Variants in ZNF536 observed in about 807,000 individuals in gnomAD.
ZNF536 encodes zinc finger protein 536.
Under a neutral mutation model 84.5 loss-of-function variants are expected in ZNF536, and 13 were observed. That is an observed-to-expected ratio of 0.15 (90% CI 0.10 to 0.24). The LOEUF (loss-of-function observed/expected upper bound fraction) is 0.24, where lower values mean the gene tolerates loss of function less well. Among genes scored for constraint, ZNF536 ranks in the 10% least tolerant of loss-of-function variants. The pLI is 1.00. For missense variants in ZNF536, 1,536 were observed against 1,747.5 expected (o/e 0.88, Z 2.16); for synonymous variants, 811 against 742.5 (o/e 1.09, Z -1.50).
intron 2 of ZNF536, among the ~76,000 whole-genome samples, chr19:30,483,985 TC>T (rs748594326): frequency 1.1e-4 from 17 of 152,092 alleles, no homozygotes; most frequent in Non-Finnish European, 2.1e-4. Flanking sequence ...TACCTCACCA[TC>T]CCAATTCTTT....
At chr19:30,692,220 G>A (rs2051441785) in intron 1 of ZNF536, among the ~76,000 whole-genome samples, 1 of 152,214 alleles carries the variant, frequency 6.6e-6, no homozygotes. Context: ...GCAAGAAACT[G>A]CTGAAACCAA....
At chr19:30,607,710 CAA>C (rs11424933) in intron 1 of ZNF536, among the ~76,000 whole-genome samples, 44 of 131,524 alleles carry the variant, frequency 3.3e-4, no homozygotes, top group Middle Eastern at 4.2e-3. Flanking sequence ...TGACATGTCT[CAA>C]AAAAAAAAAA....
intron 1 of ZNF536, among the ~76,000 whole-genome samples, chr19:30,629,114 G>A (rs556476116): frequency 2.6e-5 from 4 of 152,302 alleles, no homozygotes; most frequent in East Asian, 1.9e-4. Flanking sequence ...GGCACAGCAG[G>A]GTACCAGGTA....
chr19:30,644,608 C>T (rs948591675), intron 1 of ZNF536, among the ~76,000 whole-genome samples: 1 of 152,112 alleles, frequency 6.6e-6, no homozygotes, highest in Admixed American at 6.5e-5. Flanking sequence ...TGAGTGAGAA[C>T]ATGCGGTGTT....
intron 1 of ZNF536, among the ~76,000 whole-genome samples, chr19:30,661,552 C>T (rs2050123739): frequency 6.6e-6 from 1 of 152,208 alleles, no homozygotes; most frequent in Non-Finnish European, 1.5e-5. Flanking sequence ...TGTGTTCCCT[C>T]TCACCCAGCA....
At chr19:30,703,675 C>T (rs4805600) in intron 1 of ZNF536, among the ~76,000 whole-genome samples, 15,620 of 152,120 alleles carry the variant, frequency 0.1, 1,112 homozygotes, top group East Asian at 0.33. Context: ...TCAGTACTTT[C>T]GATGAAGAAC....
chr19:30,448,750 A>T (rs2052467026), intron 2 of ZNF536, among the ~76,000 whole-genome samples: 1 of 152,238 alleles, frequency 6.6e-6, no homozygotes, highest in East Asian at 1.9e-4. Context: ...AGATCTCTAG[A>T]AGAAGGCTTA....
intron 1 of ZNF536, among the ~76,000 whole-genome samples, chr19:30,705,194 C>T (rs749047547): frequency 4.6e-5 from 7 of 152,054 alleles, no homozygotes; most frequent in South Asian, 2.1e-4. Flanking sequence ...TGGCTTATTC[C>T]GGGCCTATCA....
At chr19:30,465,450 C>A (rs891183751) in intron 2 of ZNF536, among the ~76,000 whole-genome samples, 1 of 152,214 alleles carries the variant, frequency 6.6e-6, no homozygotes, top group African/African-American at 2.4e-5. Context: ...CTCATTCATT[C>A]ATTTTCTTTC....
chr19:30,549,034 G>A lies in ZNF536; in HGVS notation c.3415G>A (p.Ala1139Thr), dbSNP rs760089241. ...CCCCAACAAGGAGCCTGATGGAAAG[G>A]CCCACTCTGAAGAGGATGTCCCCAT... ...SCPNKEPDGK[A>T]HSEEDVPILI... The change falls in exon 4 of 5, where the codon GCC becomes ACC. Residue 1139 changes from alanine (A) to threonine (T), a missense_variant. Ala to Thr is a moderately conservative substitution (Grantham distance 58, BLOSUM62 0). This residue lies in a region of ZNF536 where 624 missense variants were observed against 603.1 expected (regional missense o/e 1.03). Coordinates refer to ENST00000355537, the MANE Select transcript of ZNF536 (RefSeq NM_014717.3). The A allele has an allele frequency of 6.2e-7, 1 of 1,614,144 alleles. No individual in the cohort carries two copies.
intron 2 of ZNF536, among the ~76,000 whole-genome samples, chr19:30,308,924 A>G (rs1368731471): frequency 5.3e-5 from 8 of 152,192 alleles, no homozygotes. Context: ...ATGCTATTCA[A>G]TGACAGTGTG....
intron 1 of ZNF536, among the ~76,000 whole-genome samples, chr19:30,438,456 G>A (rs1017145425): frequency 2.6e-5 from 4 of 152,194 alleles, no homozygotes; most frequent in Non-Finnish European, 5.9e-5. Context: ...GGGTCACGCA[G>A]TGCTGAGTGA....
chr19:30,391,385 T>C (rs2049582373), intron 1 of ZNF536, among the ~76,000 whole-genome samples: 2 of 152,322 alleles, frequency 1.3e-5, no homozygotes, highest in Non-Finnish European at 1.5e-5. Context: ...GAGACTGGTC[T>C]GACCAACATC....
At chr19:30,603,857 A>AGG (rs368331101) in intron 1 of ZNF536, among the ~76,000 whole-genome samples, 224 of 152,276 alleles carry the variant, frequency 1.5e-3, no homozygotes, top group African/African-American at 5.1e-3. Context: ...TGGGAGGCCT[A>AGG]GGGGGGTGGA....
intron 1 of ZNF536, among the ~76,000 whole-genome samples, chr19:30,607,962 C>T (rs921663696): frequency 1.2e-4 from 19 of 152,014 alleles, no homozygotes; most frequent in Non-Finnish European, 5.9e-5. Flanking sequence ...TTCTATTAGA[C>T]CATGTACAAT....
At chr19:30,680,355 A>T (rs2050917835) in intron 1 of ZNF536, among the ~76,000 whole-genome samples, 1 of 148,850 alleles carries the variant, frequency 6.7e-6, no homozygotes. Context: ...GCACCCATTA[A>T]CTCGTCATTT....
At chr19:30,629,926 G>A (rs370978757) in intron 1 of ZNF536, among the ~76,000 whole-genome samples, 4 of 152,304 alleles carry the variant, frequency 2.6e-5, no homozygotes, top group African/African-American at 7.2e-5. Context: ...GAGCAACCCC[G>A]TGCCATCCAA....
At chr19:30,264,985 G>GAA (rs1178619905) in intron 1 of ZNF536, among the ~76,000 whole-genome samples, 4 of 151,862 alleles carry the variant, frequency 2.6e-5, no homozygotes, top group African/African-American at 9.7e-5. Context: ...GAGAGAGAAA[G>GAA]AGAGATTCAT....
chr19:30,472,854 G>C (rs2053692612), intron 2 of ZNF536, among the ~76,000 whole-genome samples: 1 of 151,948 alleles, frequency 6.6e-6, no homozygotes. Flanking sequence ...AGGTGGCCTT[G>C]GACCGATCTG....
Sources: allele counts gnomAD v4.1 joint callset (sites outside exome capture counted in the v4.1 genomes callset), GRCh38; gene constraint gnomAD v4.1.1; regional missense constraint gnomAD v4.1.1; transcripts MANE v1.5; gene names NCBI Gene and HGNC (gene_info 2026-07-23, HGNC 2026-07-21).